Variants in TMEM253 observed in about 807,000 individuals in gnomAD.
TMEM253 encodes transmembrane protein 253.
In TMEM253, 22 loss-of-function variants were observed where a neutral mutation model predicts 20.3. The observed-to-expected ratio is 1.08, with a 90% CI of 0.78 to 1.55. The LOEUF is 1.55. TMEM253 is among the 40% of genes most tolerant of loss of function. The pLI is 0.00. For synonymous variants in TMEM253, 92 were observed against 102.6 expected, an observed-to-expected ratio of 0.90 and a Z score of 0.62; for missense variants, 251 against 266.1, an observed-to-expected ratio of 0.94 and a Z score of 0.39.
Position 21,102,137 on chromosome 14 carries a change from C to T in TMEM253, c.276+17C>T, listed in dbSNP as rs367771233. ...CTTTGGAAGGTGAGAGGGAAGAAAA[C>T]GCAGCACTGTCCTCCCACTCCCTAA... On this transcript the variant is annotated intron_variant, in intron 4 of 6. Coordinates refer to ENST00000556585, the Ensembl canonical transcript of TMEM253. 25 of 1,548,170 alleles carry T rather than the reference C, an allele frequency of 1.6e-5. No individual in the cohort carries two copies. The highest frequency in any genetic ancestry group is 4.8e-5 in the South Asian group (4 of 83,502).
chr14:21,103,449 G>C, exon 7 of TMEM253: 1 of 940,376 alleles, frequency 1.1e-6, no homozygotes, highest in South Asian at 1.8e-5. Flanking sequence ...ACCCTGAAAA[G>C]CTGCTTTCTC....
At chr14:21,101,443 G>A (rs761067031) in exon 2 of TMEM253, 6 of 1,551,296 alleles carry the variant, frequency 3.9e-6, no homozygotes, top group Middle Eastern at 1.7e-4. Flanking sequence ...GCACCTCTTG[G>A]TGCTAGCGGT....
At chr14:21,099,984 C>T (rs902984498), upstream of TMEM253, among the ~76,000 whole-genome samples, 1 of 152,184 alleles carries the variant, frequency 6.6e-6, no homozygotes, top group Non-Finnish European at 1.5e-5. Context: ...TTATTAAACA[C>T]CCACCCTGAA....
At chr14:21,099,377 A>G (rs1337630311), upstream of TMEM253, among the ~76,000 whole-genome samples, 1 of 152,218 alleles carries the variant, frequency 6.6e-6, no homozygotes, top group Non-Finnish European at 1.5e-5. Flanking sequence ...TCCTCAGTGC[A>G]AGCCCAACAT....
upstream of TMEM253, among the ~76,000 whole-genome samples, chr14:21,100,439 G>C (rs757207966): frequency 1.1e-4 from 17 of 152,048 alleles, no homozygotes; most frequent in Non-Finnish European, 1.9e-4. Flanking sequence ...TAAGATTCCA[G>C]CTCAGGTCTG....
intron 4 of TMEM253, 114 bp from the exon 5 acceptor site, chr14:21,102,291 T>C (rs1889689733): frequency 3.5e-6 from 5 of 1,430,862 alleles, no homozygotes; most frequent in Non-Finnish European, 4.8e-6. Flanking sequence ...CTTATGGCCC[T>C]GTTTGGAGGC....
At chr14:21,101,366 A>C in exon 2 of TMEM253, 1 of 1,551,682 alleles carries the variant, frequency 6.4e-7, no homozygotes, top group Non-Finnish European at 8.7e-7. Flanking sequence ...GCTGGTGAGC[A>C]AGAGCAGGAG....
exon 7 of TMEM253, chr14:21,103,583 G>A (rs192809841): frequency 3.7e-4 from 103 of 279,374 alleles, no homozygotes; most frequent in African/African-American, 2.2e-3. Context: ...CCCTGCACAC[G>A]CCAACTCCCT....
At position 21,102,526 on chromosome 14, in the gene TMEM253, A is replaced by C; in HGVS notation, c.387+11A>C. 1 of 1,551,744 alleles carries C rather than the reference A, an allele frequency of 6.4e-7. No homozygotes were observed. Among genetic ancestry groups the C allele is most frequent in the Non-Finnish European group, 8.7e-7 (1 of 1,146,992 alleles). Reference sequence around the variant, plus strand: ...ACTGCCTCCTCCCAGGTACTGGTCAATGAAGGAGAAGGTGGGAGGATAAGG... The same window carrying C: ...ACTGCCTCCTCCCAGGTACTGGTCACTGAAGGAGAAGGTGGGAGGATAAGG... On this transcript the variant is annotated intron_variant, in intron 5 of 6. Coordinates refer to ENST00000556585, the Ensembl canonical transcript of TMEM253.
intron 4 of TMEM253, 81 bp downstream of exon 4, chr14:21,102,201 C>G (rs1889685605): frequency 2.0e-6 from 3 of 1,476,870 alleles, no homozygotes; most frequent in Admixed American, 4.4e-5. Context: ...AAGTAAGTGG[C>G]TAAGTGTTGA....
rs779655564 is a variant in TMEM253 at position 21,101,851 on chromosome 14, A to AC, written c.109-11dup. On this transcript the variant is annotated splice_polypyrimidine_tract_variant and intron_variant, in intron 2 of 6. Coordinates refer to ENST00000556585, the Ensembl canonical transcript of TMEM253. ...CTGACAGTTCCTCCCCAATTACCCTACCCTTACCCCCAGGTGAGCCAGCTA... is the reference window on the plus strand; with the variant it reads ...CTGACAGTTCCTCCCCAATTACCCTACCCCTTACCCCCAGGTGAGCCAGCTA... 1.5e-4 allele frequency: 232 copies of AC among 1,549,072 alleles called. No individual in the cohort carries two copies. The highest frequency in any genetic ancestry group is 1.9e-4 in the Non-Finnish European group (213 of 1,145,142).
chr14:21,101,402 T>A, exon 2 of TMEM253: 1 of 1,551,674 alleles, frequency 6.4e-7, no homozygotes, highest in Non-Finnish European at 8.7e-7. Context: ...CTGGAAAAGC[T>A]ACAACACTGG....
At chr14:21,100,239 G>A (rs10149870), upstream of TMEM253, among the ~76,000 whole-genome samples, 500 of 152,222 alleles carry the variant, frequency 3.3e-3, 2 homozygotes, top group African/African-American at 0.011. Context: ...GGTGGCATGT[G>A]CCTGTGATCC....
chr14:21,103,325 A>C, exon 7 of TMEM253: 1 of 1,508,556 alleles, frequency 6.6e-7, no homozygotes, highest in Non-Finnish European at 8.9e-7. Flanking sequence ...GGATCCTTCG[A>C]GTCCAATAGG....
intron 6 of TMEM253, 93 bp from the exon 7 acceptor site, chr14:21,103,046 A>G: frequency 1.3e-6 from 2 of 1,538,966 alleles, no homozygotes; most frequent in Non-Finnish European, 8.8e-7. Flanking sequence ...GGGAAACAGG[A>G]TAGAAAATTG....
At chr14:21,101,229 G>C in intron 1 of TMEM253, 45 bp downstream of exon 1, 1 of 928,026 alleles carries the variant, frequency 1.1e-6, no homozygotes, top group Non-Finnish European at 1.6e-6. Flanking sequence ...TATTGGGAGT[G>C]GGCAGAGGTG....
exon 5 of TMEM253, chr14:21,102,445 T>C (rs1431112824): frequency 6.4e-7 from 1 of 1,551,674 alleles, no homozygotes; most frequent in Non-Finnish European, 8.7e-7. Context: ...AACTTGATCT[T>C]GGGTTTCATA....
chr14:21,100,798 G>A (rs1889585271), upstream of TMEM253, among the ~76,000 whole-genome samples: 2 of 152,136 alleles, frequency 1.3e-5, no homozygotes, highest in South Asian at 2.1e-4. Flanking sequence ...TCTAGGGAAG[G>A]GCACATAATT....
intron 6 of TMEM253, 123 bp from the exon 7 acceptor site, chr14:21,103,016 C>A: frequency 6.7e-7 from 1 of 1,496,988 alleles, no homozygotes. Flanking sequence ...AGGAAGCTGC[C>A]TAAATATTGG....
Sources: gnomAD v4.1 joint callset for allele counts (sites outside exome capture counted in the v4.1 genomes callset) on GRCh38, gnomAD v4.1.1 for gene constraint, MANE v1.5 for transcripts, NCBI Gene and HGNC (gene_info 2026-07-23, HGNC 2026-07-21) for gene names.